Variants in MCF2L observed in about 807,000 individuals in gnomAD.
The protein encoded by MCF2L is MCF.2 cell line derived transforming sequence like, also known as guanine nucleotide exchange factor DBS.
In MCF2L, 97 loss-of-function variants were observed where a neutral mutation model predicts 153.4. That is an observed-to-expected ratio of 0.63 (90% CI 0.54 to 0.75). The LOEUF (loss-of-function observed/expected upper bound fraction) is 0.75. Among genes scored for constraint, MCF2L ranks in the 30% least tolerant of loss-of-function variants. The pLI is 0.00. For missense variants in MCF2L, 1,347 were observed against 1,495.2 expected (o/e 0.90, Z 1.64); for synonymous variants, 659 against 632.2 (o/e 1.04, Z -0.64).
intron 2 of MCF2L, among the ~76,000 whole-genome samples, chr13:112,923,809 TGGAGCA>T (rs2081377355): frequency 6.6e-6 from 1 of 152,168 alleles, no homozygotes; most frequent in Non-Finnish European, 1.5e-5. Flanking sequence ...CATGAGAATT[TGGAGCA>T]GGAGCTGCAT....
chr13:113,072,902 A>G (rs1328759548), intron 9 of MCF2L, among the ~76,000 whole-genome samples: 6 of 151,966 alleles, frequency 3.9e-5, no homozygotes, highest in Admixed American at 3.3e-4. Context: ...TACATTCTTT[A>G]TTTGAGACTG....
At chr13:113,065,363 TG>T (rs1204533684) in intron 7 of MCF2L, 1 of 464,356 alleles carries the variant, frequency 2.2e-6, no homozygotes, top group Non-Finnish European at 3.9e-6. Context: ...TGGCCCTGGG[TG>T]GCCGTGGCTT....
chr13:113,084,583 A>G, intron 18 of MCF2L: 2 of 452,208 alleles, frequency 4.4e-6, no homozygotes, highest in Admixed American at 4.0e-5. Flanking sequence ...AAATCAACAA[A>G]CCACACCATA....
At chr13:113,076,531 C>T (rs572800105) in intron 12 of MCF2L, among the ~76,000 whole-genome samples, 4 of 152,330 alleles carry the variant, frequency 2.6e-5, no homozygotes, top group Non-Finnish European at 5.9e-5. Flanking sequence ...TCCCAAAGTG[C>T]TGGAATGACA....
At position 113,060,722 on chromosome 13, in the gene MCF2L, C is replaced by A; in HGVS notation, c.489+10C>A. 1 of 1,611,964 alleles carries A rather than the reference C, an allele frequency of 6.2e-7. No homozygotes were observed. The highest frequency in any genetic ancestry group is 8.5e-7 in the Non-Finnish European group (1 of 1,179,664). ...TAAGATGAAGGTGCCGGTAAGTGCG[C>A]CCCGCCTCCATCCTGCGGTAGCAGA... On this transcript the variant is annotated intron_variant, in intron 5 of 29. Transcript: ENST00000535094.
chr13:112,985,549 T>G (rs1594487776), intron 1 of MCF2L: 1 of 449,464 alleles, frequency 2.2e-6, no homozygotes, highest in South Asian at 1.6e-5. Context: ...GGCCTCTGGG[T>G]GAGGCAGCAT....
chr13:113,045,773 G>A lies in MCF2L; in HGVS notation c.369+412G>A. On this transcript the variant is annotated intron_variant, in intron 4 of 29. Coordinates refer to ENST00000535094, the MANE Select transcript of MCF2L (RefSeq NM_001112732.3). This position sits in a 1 kb window ranked among gnomAD's most constrained non-coding sequence, Gnocchi z 4.2. Reference sequence around the variant, plus strand: ...CCACCACCGCCTCCCTTCCCCAGTGGGATTGAACATGCACTTCCTCTTACA... The same window carrying A: ...CCACCACCGCCTCCCTTCCCCAGTGAGATTGAACATGCACTTCCTCTTACA... The A allele has an allele frequency of 4.2e-6, 1 of 236,136 alleles. No individual in the cohort carries two copies. The highest frequency in any genetic ancestry group is 8.5e-6 in the Non-Finnish European group (1 of 118,234). 14.6% of individuals were successfully genotyped at this position (236,136 alleles called of 1,614,324 possible).
intron 26 of MCF2L, chr13:113,093,974 T>A (rs1311052461): frequency 1.3e-5 from 2 of 152,318 alleles, no homozygotes; most frequent in Non-Finnish European, 2.9e-5. Context: ...GGCACCTGCA[T>A]GGTCTCAGCC....
rs369386339 is a variant in MCF2L at position 113,057,558 on chromosome 13, GTGTT to G, written c.370-3032_370-3029del. 9.5e-4 allele frequency among the ~76,000 whole-genome samples: 139 copies of G among 146,776 alleles called. 2 individuals carry two copies. The highest frequency in any genetic ancestry group is 3.2e-3 in the African/African-American group (126 of 39,434). On this transcript the variant is annotated intron_variant, in intron 4 of 29. Transcript: ENST00000535094. Reference sequence around the variant, plus strand: ...TGTTTAGTAGCTGCGTGTTTGCTGTGTGTTTGGGTGCTGTGTGTTTGAGTGGTGT... The same window carrying G: ...TGTTTAGTAGCTGCGTGTTTGCTGTGTGGGTGCTGTGTGTTTGAGTGGTGT...
chr13:112,920,533 C>T (rs1216727916), intron 2 of MCF2L, among the ~76,000 whole-genome samples: 1 of 152,090 alleles, frequency 6.6e-6, no homozygotes, highest in African/African-American at 2.4e-5. Context: ...TGGCCGGTGA[C>T]CCCAGAACGC....
chr13:113,087,463 G>A lies in MCF2L; in HGVS notation c.2595+7G>A. 2 of 1,593,080 alleles carry A rather than the reference G, an allele frequency of 1.3e-6. No homozygotes were observed. Among genetic ancestry groups the A allele is most frequent in the Non-Finnish European group, 8.6e-7 (1 of 1,166,556 alleles). On this transcript the variant is annotated splice_region_variant and intron_variant, in intron 22 of 29. Coordinates refer to ENST00000535094, the MANE Select transcript of MCF2L (RefSeq NM_001112732.3). The stretch of plus-strand genomic sequence containing the variant: ...CTACAAGCAGTCCTTAAACGTAAGT[G>A]AGGCCGGGTCTGCAGCAGCACGCTC...
At chr13:113,080,303 G>A (rs1184716382) in intron 15 of MCF2L, among the ~76,000 whole-genome samples, 1 of 152,160 alleles carries the variant, frequency 6.6e-6, no homozygotes, top group Non-Finnish European at 1.5e-5. Context: ...CCATACGGAG[G>A]AGGGTCTAGG....
At chr13:112,972,961 T>A (rs536584399) in intron 1 of MCF2L, among the ~76,000 whole-genome samples, 13 of 151,336 alleles carry the variant, frequency 8.6e-5, no homozygotes, top group Non-Finnish European at 1.3e-4. Context: ...CGGAGGGGCT[T>A]TGGGGGATGA....
chr13:112,947,802 C>G (rs2081652627), intron 2 of MCF2L, among the ~76,000 whole-genome samples: 1 of 152,162 alleles, frequency 6.6e-6, no homozygotes, highest in South Asian at 2.1e-4. Context: ...GTGGCCCTAC[C>G]TCCGCAGCTA....
At position 112,964,185 on chromosome 13, in the gene MCF2L, G is replaced by C. The variant is rs1424782990; in HGVS notation, c.170-50578G>C. ...CCCTGCCCACAGCAACAACTCTTGAGGTTCCCTTGAGGCAGCCCCGGCACC... is the reference window on the plus strand; with the variant it reads ...CCCTGCCCACAGCAACAACTCTTGACGTTCCCTTGAGGCAGCCCCGGCACC... On this transcript the variant is annotated intron_variant, in intron 2 of 29. Transcript: ENST00000375608. 2.0e-5 allele frequency among the ~76,000 whole-genome samples: 3 copies of C among 152,234 alleles called. No individual in the cohort carries two copies. The East Asian group carries it at 5.8e-4, about 29-fold the overall frequency.
intron 2 of MCF2L, among the ~76,000 whole-genome samples, chr13:112,938,496 T>C (rs1453208915): frequency 6.6e-6 from 1 of 152,220 alleles, no homozygotes; most frequent in Non-Finnish European, 1.5e-5. Context: ...CCACATTTGT[T>C]CACAATTTGT....
At chr13:113,047,975 T>C (rs1374823226) in intron 4 of MCF2L, among the ~76,000 whole-genome samples, 2 of 135,598 alleles carry the variant, frequency 1.5e-5, no homozygotes, top group African/African-American at 5.5e-5. Flanking sequence ...CGTGTGTGTC[T>C]CAGATTAATC....
chr13:113,088,142 G>C (rs553278655), intron 23 of MCF2L, among the ~76,000 whole-genome samples, 185 bp from the exon 24 acceptor site: 2 of 152,214 alleles, frequency 1.3e-5, no homozygotes, highest in Admixed American at 6.5e-5. Context: ...AGTCAGTCCC[G>C]TGCATGGGGC....
Position 113,046,564 on chromosome 13 carries a change from C to T in MCF2L, c.369+1203C>T, listed in dbSNP as rs764390065. ...ATACTGAAAAAAGTCATTCCTTTCC[C>T]CGCACATTGCCTCATTCCTTCATCT... On this transcript the variant is annotated intron_variant, in intron 4 of 29. Coordinates refer to ENST00000535094, the MANE Select transcript of MCF2L (RefSeq NM_001112732.3). This position sits in a 1 kb window ranked among gnomAD's most constrained non-coding sequence, Gnocchi z 4.4. 7.5e-6 allele frequency: 4 copies of T among 533,268 alleles called. No homozygotes were observed. The highest frequency in any genetic ancestry group is 5.8e-5 in the African/African-American group (3 of 51,954). 33.0% of individuals were successfully genotyped at this position (533,268 alleles called of 1,614,324 possible). A position where few individuals can be genotyped will look rare whatever the true frequency, so the allele number is the denominator to read the frequency against.
Sources: allele counts gnomAD v4.1 joint callset (sites outside exome capture counted in the v4.1 genomes callset), GRCh38; gene constraint gnomAD v4.1.1; non-coding constraint Gnocchi (gnomAD v3.1); transcripts MANE v1.5; gene names NCBI Gene and HGNC (gene_info 2026-07-23, HGNC 2026-07-21).